Variants in STAU1 observed in about 807,000 individuals in gnomAD.
The protein encoded by STAU1 is double-stranded RNA-binding protein Staufen homolog 1.
A neutral mutation model predicts 62.9 loss-of-function variants in STAU1; 13 were observed. That is an observed-to-expected ratio of 0.21 (90% CI 0.13 to 0.33). The LOEUF is 0.33. Ranked by LOEUF, STAU1 falls within the 10% of genes least tolerant of loss-of-function variation. The pLI is 1.00. For missense variants in STAU1, 571 were observed against 712.1 expected, an observed-to-expected ratio of 0.80 and a Z score of 2.25; for synonymous variants, 269 against 265.1, an observed-to-expected ratio of 1.01 and a Z score of -0.14.
chr20:49,131,773 G>C (rs2092754989), intron 6 of STAU1, among the ~76,000 whole-genome samples: 1 of 151,210 alleles, frequency 6.6e-6, no homozygotes, highest in South Asian at 2.1e-4. Context: ...AATCCAGGAG[G>C]CAGAGGTTGC....
rs752807750 is a variant in STAU1 at position 49,151,642 on chromosome 20, G to A, written c.450C>T (p.His150=). Residue 150 remains histidine (H), a synonymous_variant, in exon 5 of 14, where the codon CAC becomes CAT. Transcript: ENST00000371856. ...GKGKTRQAAK[H]DAAAKALRIL... ...TCCTCAACGCTTTGGCAGCAGCATC[G>A]TGTTTCGCAGCCTGTCTTGTCTTTC... 1.7e-5 allele frequency: 27 copies of A among 1,612,238 alleles called. No homozygotes were observed. Among genetic ancestry groups the A allele is most frequent in the African/African-American group, 1.6e-4 (12 of 74,884 alleles).
At chr20:49,143,426 C>A (rs540399136) in intron 5 of STAU1, among the ~76,000 whole-genome samples, 1 of 152,104 alleles carries the variant, frequency 6.6e-6, no homozygotes, top group Non-Finnish European at 1.5e-5. Context: ...ACCCGCATCT[C>A]TACAAAAAAT....
chr20:49,118,514 T>G, intron 9 of STAU1, 106 bp from the exon 10 acceptor site: 1 of 893,334 alleles, frequency 1.1e-6, no homozygotes, highest in Non-Finnish European at 1.7e-6. Context: ...GCAATAACTG[T>G]GGCAATCGGC....
At position 49,113,641 on chromosome 20, in the gene STAU1, T is replaced by A. The variant is rs1430516885; in HGVS notation, c.*1237A>T. On this transcript the variant is annotated 3_prime_UTR_variant, in exon 14 of 14. Transcript: ENST00000371856. ...ACTTAACTCGCAGGGCTACCAGGCT[T>A]TCCATACGGACCACACGCAGAGCCT... 1.3e-5 allele frequency: 2 copies of A among 152,620 alleles called. No homozygotes were observed. Among genetic ancestry groups the A allele is most frequent in the Non-Finnish European group, 2.9e-5 (2 of 68,052 alleles). 9.5% of individuals were successfully genotyped at this position (152,620 alleles called of 1,614,324 possible).
intron 6 of STAU1, among the ~76,000 whole-genome samples, chr20:49,129,035 G>A (rs2092694179): frequency 6.6e-6 from 1 of 151,556 alleles, no homozygotes; most frequent in Non-Finnish European, 1.5e-5. Flanking sequence ...AGACTTAAGA[G>A]AAAATATCTG....
At chr20:49,139,993 C>A (rs1435078591) in intron 5 of STAU1, among the ~76,000 whole-genome samples, 3 of 152,028 alleles carry the variant, frequency 2.0e-5, no homozygotes, top group Non-Finnish European at 4.4e-5. Context: ...CGAGACCAGC[C>A]TGGCCAACAT....
rs1416949214 is a variant in STAU1, at chr20:49,117,295, G to A, written c.1510-47C>T. On this transcript the variant is annotated intron_variant, in intron 11 of 13. Coordinates refer to ENST00000371856, the MANE Select transcript of STAU1 (RefSeq NM_017453.4). This position sits in a 1 kb window ranked among gnomAD's most constrained non-coding sequence, Gnocchi z 4.6. ...AGGCTAGGTAGGGAACAGCAAGTAT[G>A]AGTGGGCTGGAGGGCTGCAGCTCCA... 1.9e-6 allele frequency: 3 copies of A among 1,605,924 alleles called. No individual in the cohort carries two copies. Among genetic ancestry groups the A allele is most frequent in the African/African-American group, 1.3e-5 (1 of 74,970 alleles).
At chr20:49,159,087 A>T in intron 3 of STAU1, 1 of 1,203,106 alleles carries the variant, frequency 8.3e-7, no homozygotes, top group Non-Finnish European at 1.1e-6. Flanking sequence ...CCTGCAACGC[A>T]GTACAATCCC....
chr20:49,151,822 A>C (rs779757738), intron 4 of STAU1, 75 bp from the exon 5 acceptor site: 8 of 1,331,404 alleles, frequency 6.0e-6, no homozygotes, highest in Non-Finnish European at 8.2e-6. Context: ...GGCAAATGCA[A>C]GTATTTCCTT....
intron 5 of STAU1, among the ~76,000 whole-genome samples, chr20:49,142,244 G>A (rs1192991472): frequency 1.3e-5 from 2 of 151,894 alleles, no homozygotes; most frequent in African/African-American, 4.8e-5. Context: ...AAGCCACCAT[G>A]CCTGGCTAAT....
intron 6 of STAU1, among the ~76,000 whole-genome samples, chr20:49,125,071 TAAAAAAAAAAA>T (rs11473077): frequency 1.2e-5 from 1 of 83,852 alleles, no homozygotes; most frequent in Non-Finnish European, 2.3e-5. Context: ...ACACATTAAG[TAAAAAAAAAAA>T]AAAAAAAAAC....
At chr20:49,131,661 G>A (rs2092752507) in intron 6 of STAU1, among the ~76,000 whole-genome samples, 1 of 152,086 alleles carries the variant, frequency 6.6e-6, no homozygotes, top group African/African-American at 2.4e-5. Flanking sequence ...TGGCCAACAT[G>A]GTGAAATCCC....
rs2092273610 is a variant in STAU1, at chr20:49,114,791, G to T, written c.*87C>A. On this transcript the variant is annotated 3_prime_UTR_variant, in exon 14 of 14. Coordinates refer to ENST00000371856, the MANE Select transcript of STAU1 (RefSeq NM_017453.4). ...CACCGTGTCTCTCGGCCCACTGGAG[G>T]TATCAGAAATTCCAAATTTTCAAAG... The T allele has an allele frequency of 3.9e-6, 5 of 1,279,014 alleles. No homozygotes were observed. Among genetic ancestry groups the T allele is most frequent in the South Asian group, 1.2e-5 (1 of 82,250 alleles). 79.2% of individuals were successfully genotyped at this position (1,279,014 alleles called of 1,614,324 possible). A position where few individuals can be genotyped will look rare whatever the true frequency, so the allele number is the denominator to read the frequency against.
chr20:49,219,165 ACTCT>A, the STAU1 span: 18 of 574,130 alleles, frequency 3.1e-5, no homozygotes, highest in East Asian at 4.8e-4. Context: ...AACTCTTTAG[ACTCT>A]CTCACCCTTC....
the STAU1 span, among the ~76,000 whole-genome samples, chr20:49,212,358 C>A: frequency 6.6e-6 from 1 of 152,052 alleles, no homozygotes; most frequent in South Asian, 2.1e-4. Flanking sequence ...ATTTTTCTAG[C>A]TTTATTGAGG....
intron 6 of STAU1, among the ~76,000 whole-genome samples, chr20:49,133,146 AAC>A (rs1044447875): frequency 5.7e-4 from 87 of 152,388 alleles, no homozygotes; most frequent in African/African-American, 5.0e-4. Context: ...AAGATTCCTG[AAC>A]ACAGAGTTGA....
intron 1 of STAU1, among the ~76,000 whole-genome samples, chr20:49,182,932 A>C (rs1388411736): frequency 2.0e-5 from 3 of 152,154 alleles, no homozygotes; most frequent in African/African-American, 7.2e-5. Context: ...ATGTACAATA[A>C]AACTTCATAA....
At chr20:49,191,381 T>A (rs2093831045), upstream of STAU1, among the ~76,000 whole-genome samples, 1 of 152,162 alleles carries the variant, frequency 6.6e-6, no homozygotes, top group Non-Finnish European at 1.5e-5. Context: ...CCTTATAATT[T>A]TCAATTATCT....
chr20:49,139,937 G>A (rs2092970613), intron 5 of STAU1, among the ~76,000 whole-genome samples: 2 of 151,920 alleles, frequency 1.3e-5, no homozygotes, highest in African/African-American at 4.8e-5. Context: ...TGTAATCCCA[G>A]CACTTTGGGA....
Sources: allele counts gnomAD v4.1 joint callset (sites outside exome capture counted in the v4.1 genomes callset), GRCh38; gene constraint gnomAD v4.1.1; non-coding constraint Gnocchi (gnomAD v3.1); transcripts MANE v1.5; gene names NCBI Gene and HGNC (gene_info 2026-07-23, HGNC 2026-07-21).